The following WNK2 variants were observed in gnomAD, a reference collection of about 807,000 sequenced individuals.
WNK2 encodes serine/threonine-protein kinase WNK2.
Under a neutral mutation model 192.1 loss-of-function variants are expected in WNK2, and 67 were observed. The ratio of observed to expected loss-of-function variants is 0.35; its 90% CI spans 0.29 to 0.43. The LOEUF (loss-of-function observed/expected upper bound fraction) is 0.43, where lower values mean the gene tolerates loss of function less well. Among genes scored for constraint, WNK2 ranks in the 20% least tolerant of loss-of-function variants. The probability of loss-of-function intolerance (pLI) is 1.00; values close to 1 mark genes in which losing one functional copy is unlikely to be tolerated. For missense variants in WNK2, 2,698 were observed against 3,089.7 expected (o/e 0.87, Z 3.01); for synonymous variants, 1,439 against 1,393.9 (o/e 1.03, Z -0.72).
chr9:93,289,551 G>T lies in WNK2; in HGVS notation c.4797G>T (p.Gly1599=). The change falls in exon 20 of 30, where the codon GGG becomes GGT. Residue 1599 remains glycine (G), a synonymous_variant. Transcript: ENST00000427277. ...ACCAGCCCCGCTCAGAGGTCTGCGG[G>T]GGGGACCTGGCCCTGCCCCCAGTGC... ...RGDQPRSEVC[G]GDLALPPVPK... 1 of 1,564,932 alleles carries T rather than the reference G, an allele frequency of 6.4e-7. No individual in the cohort carries two copies. The highest frequency in any genetic ancestry group is 2.3e-5 in the East Asian group (1 of 43,938).
At chr9:93,312,469 G>C (rs1425745446) in intron 28 of WNK2, among the ~76,000 whole-genome samples, 3 of 151,970 alleles carry the variant, frequency 2.0e-5, no homozygotes, top group Non-Finnish European at 1.5e-5. Context: ...CTGCCTCCCG[G>C]GTTCAAGCAA....
chr9:93,288,742 G>A lies in WNK2; in HGVS notation c.4034-46G>A, dbSNP rs770494265. ...TAGCCAAGGAAGAAACAGGTAGATA[G>A]GACTGGAGTACCCTGGTACAAAGGC... is the stretch of plus-strand genomic sequence containing the variant. On this transcript the variant is annotated intron_variant, in intron 19 of 29. Transcript: ENST00000427277. The A allele has an allele frequency of 1.5e-5, 23 of 1,534,610 alleles. No homozygotes were observed. In the South Asian group the frequency reaches 2.5e-4, roughly 17 times the overall value.
chr9:93,289,889 AGAT>A, intron 20 of WNK2, 86 bp from the exon 21 acceptor site: 2 of 1,325,886 alleles, frequency 1.5e-6, no homozygotes, highest in Admixed American at 4.2e-5. Flanking sequence ...GGGCAGCTTG[AGAT>A]GAGGGGAGTG....
At chr9:93,231,902 G>A (rs1222702003) in intron 4 of WNK2, among the ~76,000 whole-genome samples, 1 of 152,214 alleles carries the variant, frequency 6.6e-6, no homozygotes, top group African/African-American at 2.4e-5. Context: ...AGTGTCCACT[G>A]GTCCTGGGTG....
intron 2 of WNK2, among the ~76,000 whole-genome samples, chr9:93,187,825 C>T (rs1001078720): frequency 3.3e-5 from 5 of 151,636 alleles, no homozygotes; most frequent in African/African-American, 9.7e-5. Flanking sequence ...GCGTGTGGAA[C>T]GGAAGAGGGT....
At chr9:93,228,757 T>TGG (rs1014251912) in intron 2 of WNK2, among the ~76,000 whole-genome samples, 1 of 152,148 alleles carries the variant, frequency 6.6e-6, no homozygotes. Flanking sequence ...GGATTTATTC[T>TGG]GAGCCCTCTG....
intron 24 of WNK2, among the ~76,000 whole-genome samples, chr9:93,298,696 C>T (rs1407063282): frequency 6.6e-6 from 1 of 152,186 alleles, no homozygotes; most frequent in African/African-American, 2.4e-5. Context: ...ACCATAAGCT[C>T]ACTATAAGCC....
At chr9:93,305,910 T>C (rs1852434951) in intron 26 of WNK2, among the ~76,000 whole-genome samples, 2 of 152,218 alleles carry the variant, frequency 1.3e-5, no homozygotes, top group Admixed American at 1.3e-4. Context: ...AGTCTGAGCC[T>C]GTGCTTGCCC....
chr9:93,283,453 A>T (rs1233133624), intron 19 of WNK2, among the ~76,000 whole-genome samples: 1 of 152,172 alleles, frequency 6.6e-6, no homozygotes, highest in Non-Finnish European at 1.5e-5. Flanking sequence ...AATATTAGGG[A>T]TGAAAAGGGG....
At chr9:93,317,993 C>G in intron 29 of WNK2, 1 of 1,612,836 alleles carries the variant, frequency 6.2e-7, no homozygotes, top group Non-Finnish European at 8.5e-7. Flanking sequence ...AGCAAGACTG[C>G]TTCCTTTGCG....
At chr9:93,263,817 GTGGT>G in intron 15 of WNK2, 83 bp downstream of exon 15, 1 of 506,514 alleles carries the variant, frequency 2.0e-6, no homozygotes, top group Non-Finnish European at 3.4e-6. Context: ...TGGCGGGGGT[GTGGT>G]GGGGGTGGGG....
At chr9:93,262,946 G>T (rs1415514130) in intron 14 of WNK2, among the ~76,000 whole-genome samples, 1 of 152,252 alleles carries the variant, frequency 6.6e-6, no homozygotes, top group African/African-American at 2.4e-5. Flanking sequence ...TGGGCTCTGG[G>T]TCTCTGCTCT....
intron 2 of WNK2, among the ~76,000 whole-genome samples, chr9:93,212,482 C>A (rs746329997): frequency 3.9e-5 from 6 of 152,220 alleles, no homozygotes; most frequent in Non-Finnish European, 8.8e-5. Flanking sequence ...CCAGGATAAA[C>A]CCTGGCTATG....
chr9:93,185,634 G>C (rs1277939571), intron 2 of WNK2, 24 bp downstream of exon 2: 3 of 1,596,534 alleles, frequency 1.9e-6, no homozygotes, highest in Non-Finnish European at 2.6e-6. Flanking sequence ...AGCCCGCAGG[G>C]GGCTTTCCGC....
intron 28 of WNK2, among the ~76,000 whole-genome samples, chr9:93,311,171 C>T (rs552115899): frequency 4.6e-5 from 7 of 152,260 alleles, no homozygotes; most frequent in African/African-American, 1.7e-4. Flanking sequence ...CTGTCTTTTT[C>T]CACTGGCTTA....
intron 2 of WNK2, among the ~76,000 whole-genome samples, chr9:93,211,272 A>ATTCACTCG (rs1834612927): frequency 6.6e-6 from 1 of 151,104 alleles, no homozygotes; most frequent in African/African-American, 2.4e-5. Flanking sequence ...TCATTCACTC[A>ATTCACTCG]CTCATCCACT....
chr9:93,281,980 A>G (rs1042682859), intron 19 of WNK2, among the ~76,000 whole-genome samples: 1 of 152,130 alleles, frequency 6.6e-6, no homozygotes, highest in African/African-American at 2.4e-5. Context: ...TAAAGGGAAT[A>G]TTTTTAGACA....
chr9:93,243,433 C>G (rs1388141392), intron 7 of WNK2, among the ~76,000 whole-genome samples: 1 of 152,260 alleles, frequency 6.6e-6, no homozygotes, highest in East Asian at 1.9e-4. Context: ...CATCAGTTCA[C>G]AGCAGAGGCC....
chr9:93,288,910 C>T lies in WNK2; in HGVS notation c.4156C>T (p.Pro1386Ser), dbSNP rs41312202. The T allele has an allele frequency of 6.2e-7, 1 of 1,606,466 alleles. No homozygotes were observed. The highest frequency in any genetic ancestry group is 1.1e-5 in the South Asian group (1 of 89,932). Reference protein sequence around the residue: ...PPGAPPAPLAPSSPPVTALPQ... With the variant: ...PPGAPPAPLASSSPPVTALPQ... ...TGGGGCACCCCCAGCCCCTTTGGCC[C>T]CCTCCTCCCCTCCTGTGACTGCTCT... The change falls in exon 20 of 30, where the codon CCC becomes TCC. Residue 1386 changes from proline (P) to serine (S), a missense_variant. Physicochemically the swap from Pro to Ser is moderately conservative, Grantham distance 74. This residue lies in a region of WNK2 where 1,098 missense variants were observed against 1,101.0 expected (regional missense o/e 1.00). Transcript: ENST00000427277.
Sources: allele counts gnomAD v4.1 joint callset (sites outside exome capture counted in the v4.1 genomes callset), GRCh38; gene constraint gnomAD v4.1.1; regional missense constraint gnomAD v4.1.1; transcripts MANE v1.5; gene names NCBI Gene and HGNC (gene_info 2026-07-23, HGNC 2026-07-21).